The following FRG1 variants were observed in gnomAD, a reference collection of about 807,000 sequenced individuals.
The protein encoded by FRG1 is protein FRG1.
A neutral mutation model predicts 37.0 loss-of-function variants in FRG1; 19 were observed. The observed-to-expected ratio is 0.51, with a 90% CI of 0.36 to 0.75. The LOEUF (loss-of-function observed/expected upper bound fraction) is 0.75. FRG1 is among the 30% of genes least tolerant of loss of function. The pLI, the probability that FRG1 is intolerant of heterozygous loss-of-function variation, is 0.00. For missense variants in FRG1, 243 were observed against 301.4 expected (o/e 0.81, Z 1.44); for synonymous variants, 73 against 96.5 (o/e 0.76, Z 1.43).
chr4:189,943,091 A>G (rs1449708748), intron 1 of FRG1, 111 bp from the exon 2 acceptor site: 4 of 1,236,852 alleles, frequency 3.2e-6, no homozygotes, highest in Non-Finnish European at 4.4e-6. Context: ...GTCTTCCTAA[A>G]TCAATAATTT....
intron 2 of FRG1, among the ~76,000 whole-genome samples, chr4:189,948,615 C>T (rs1260675135): frequency 6.6e-6 from 1 of 152,168 alleles, no homozygotes; most frequent in Non-Finnish European, 1.5e-5. Context: ...GGTGAGCTGT[C>T]ACACAGCCTT....
In FRG1 at chr4:189,961,877, A is replaced by G; in HGVS notation, c.685A>G (p.Lys229Glu). Residue 229 changes from lysine to glutamate, a missense_variant, in exon 8 of 9, where the codon AAA becomes GAA. Transcript: ENST00000226798. ...HKLKISKEDS[K>E]ILKKARKDGF... The stretch of plus-strand genomic sequence containing the variant: ...ACTTAAAATAAGTAAAGAAGACAGT[A>G]AAATTCTTAAAAAGGCTCGGAAAGA... 1.9e-6 allele frequency: 3 copies of G among 1,600,196 alleles called. No homozygotes were observed. Among genetic ancestry groups the G allele is most frequent in the South Asian group, 2.3e-5 (2 of 87,498 alleles).
chr4:189,962,999 AAC>A, intron 8 of FRG1, 92 bp from the exon 9 acceptor site: 1 of 732,040 alleles, frequency 1.4e-6, no homozygotes, highest in Middle Eastern at 3.1e-4. Context: ...ACCAAAATTG[AAC>A]ACACAGTTTT....
intron 4 of FRG1, among the ~76,000 whole-genome samples, chr4:189,954,222 G>T (rs1445290740): frequency 5.9e-5 from 9 of 151,972 alleles, no homozygotes. Flanking sequence ...AAAAATGCGT[G>T]ATACAAAACA....
intron 3 of FRG1, among the ~76,000 whole-genome samples, chr4:189,952,718 C>T (rs1443854513): frequency 6.6e-6 from 1 of 151,912 alleles, no homozygotes; most frequent in Non-Finnish European, 1.5e-5. Context: ...AGATAAAAAG[C>T]AGTATCATTT....
At chr4:189,961,649 G>C (rs112995708) in intron 7 of FRG1, 173 bp from the exon 8 acceptor site, 1 of 451,892 alleles carries the variant, frequency 2.2e-6, no homozygotes, top group Non-Finnish European at 3.9e-6. Context: ...CTTGAGCGAT[G>C]TGCCTGCCTT....
chr4:189,963,099 CA>C lies in FRG1; in HGVS notation c.750del (p.Lys250AsnfsTer2). 6.2e-7 allele frequency: 1 copy of C among 1,610,260 alleles called. No homozygotes were observed. Among genetic ancestry groups the C allele is most frequent in the Non-Finnish European group, 8.5e-7 (1 of 1,177,544 alleles). On this transcript the variant is annotated frameshift_variant, in exon 9 of 9. Transcript: ENST00000226798. LOFTEE classifies it high-confidence loss of function. ...TTTTTCTTTGTTTAAACAGGAGAGC[CA>C]AATTGAAAGCCGACAGATACTGCAA... Reference protein sequence around the residue: ...LHETLLDRRAKLKADRYCK With the variant: ...LHETLLDRRAXLKADRYCK
chr4:189,952,034 G>A (rs1736775535), intron 2 of FRG1, 128 bp from the exon 3 acceptor site: 4 of 632,008 alleles, frequency 6.3e-6, no homozygotes, highest in Non-Finnish European at 1.1e-5. Context: ...TAAAGAATAT[G>A]TGAGATCTTT....
chr4:189,950,607 G>A (rs370144714), intron 2 of FRG1, among the ~76,000 whole-genome samples: 1 of 151,860 alleles, frequency 6.6e-6, no homozygotes, highest in Non-Finnish European at 1.5e-5. Flanking sequence ...ATTTATTATG[G>A]AAAGCATGAA....
At chr4:189,941,644 C>T (rs999359623) in intron 1 of FRG1, among the ~76,000 whole-genome samples, 1 of 152,134 alleles carries the variant, frequency 6.6e-6, no homozygotes, top group Non-Finnish European at 1.5e-5. Flanking sequence ...ATATCTGAAC[C>T]TCCGTTTACA....
intron 4 of FRG1, among the ~76,000 whole-genome samples, chr4:189,954,628 T>C (rs1259834410): frequency 6.7e-6 from 1 of 148,760 alleles, no homozygotes; most frequent in Non-Finnish European, 1.5e-5. Context: ...AGAGTCTCAC[T>C]CTGTCACCCA....
In FRG1 at chr4:189,963,112, G is replaced by A. The variant is rs373037319; in HGVS notation, c.760G>A (p.Asp254Asn). 40 of 1,611,350 alleles carry A rather than the reference G, an allele frequency of 2.5e-5. No individual in the cohort carries two copies. The highest frequency in any genetic ancestry group is 6.7e-5 in the East Asian group (3 of 44,758). ...LLDRRAKLKADRYCK is the reference protein window; with the variant it reads ...LLDRRAKLKANRYCK ...AAACAGGAGAGCCAAATTGAAAGCCGACAGATACTGCAAGTGACTGGGATT... is the reference window on the plus strand; with the variant it reads ...AAACAGGAGAGCCAAATTGAAAGCCAACAGATACTGCAAGTGACTGGGATT... Residue 254 changes from aspartate to asparagine, a missense_variant, in exon 9 of 9, where the codon GAC becomes AAC. Physicochemically the swap from Asp to Asn is conservative, Grantham distance 23 (BLOSUM62 1). Transcript: ENST00000226798.
chr4:189,949,920 G>A (rs574096397), intron 2 of FRG1, among the ~76,000 whole-genome samples: 11 of 152,146 alleles, frequency 7.2e-5, no homozygotes, highest in African/African-American at 2.4e-4. Context: ...CTATTTTTAC[G>A]TGTATGCTTC....
At position 189,960,699 on chromosome 4, in the gene FRG1, G is replaced by C. The variant is rs7440511; in HGVS notation, c.538-49G>C. On this transcript the variant is annotated intron_variant, in intron 6 of 8. Coordinates refer to ENST00000226798, the MANE Select transcript of FRG1 (RefSeq NM_004477.3). ...CTTATGTGATACGTAAAGTGGGGAA[G>C]GTGGAAGATAAACATATAACCCATT... The C allele has an allele frequency of 1.2e-3, 1,689 of 1,421,340 alleles. 4 individuals are homozygous for C. Among genetic ancestry groups the C allele is most frequent in the Middle Eastern group, 5.7e-3 (22 of 3,860 alleles). 88.0% of individuals were successfully genotyped at this position (1,421,340 alleles called of 1,614,324 possible). A position where few individuals can be genotyped will look rare whatever the true frequency, so the allele number is the denominator to read the frequency against.
At chr4:189,962,431 C>T (rs1737275647) in intron 8 of FRG1, among the ~76,000 whole-genome samples, 1 of 152,086 alleles carries the variant, frequency 6.6e-6, no homozygotes, top group South Asian at 2.1e-4. Context: ...TAAGTAATGT[C>T]CTAGATTTAT....
At chr4:189,948,329 CA>C (rs1736614924) in intron 2 of FRG1, among the ~76,000 whole-genome samples, 3 of 152,166 alleles carry the variant, frequency 2.0e-5, no homozygotes, top group Admixed American at 2.0e-4. Flanking sequence ...TGTCTGTAGG[CA>C]AAGAGTTTCA....
At chr4:189,953,390 G>C (rs1488228119) in intron 4 of FRG1, among the ~76,000 whole-genome samples, 3 of 151,986 alleles carry the variant, frequency 2.0e-5, no homozygotes, top group Non-Finnish European at 4.4e-5. Flanking sequence ...GAATCAAATA[G>C]TACAAAACCT....
chr4:189,948,365 A>C (rs1057093357), intron 2 of FRG1, among the ~76,000 whole-genome samples: 2 of 152,176 alleles, frequency 1.3e-5, no homozygotes, highest in African/African-American at 4.8e-5. Flanking sequence ...ATTCAGAAGC[A>C]GTTGGACTTA....
chr4:189,952,231 C>T lies in FRG1; in HGVS notation c.203C>T (p.Thr68Ile), dbSNP rs775299361. The T allele has an allele frequency of 8.1e-6, 13 of 1,608,898 alleles. No individual in the cohort carries two copies. The highest frequency in any genetic ancestry group is 7.6e-6 in the Non-Finnish European group (9 of 1,177,500). The change falls in exon 3 of 9, where the codon ACC becomes ATC. Residue 68 changes from threonine to isoleucine, a missense_variant. Thr to Ile is a moderately conservative substitution (Grantham distance 89, BLOSUM62 -1). Transcript: ENST00000226798. ...ATAGCCATTGAAATGGATAAGGGAA[C>T]CTATATACATGCACTCGACAATGGT... is the stretch of plus-strand genomic sequence containing the variant. ...GTIAIEMDKG[T>I]YIHALDNGLF... is the part of the protein sequence containing the mutation.
Sources: allele counts gnomAD v4.1 joint callset (sites outside exome capture counted in the v4.1 genomes callset), GRCh38; gene constraint gnomAD v4.1.1; transcripts MANE v1.5; gene names NCBI Gene and HGNC (gene_info 2026-07-23, HGNC 2026-07-21).